PIK3CG: variants seen among roughly 807,000 people sequenced by gnomAD.
The protein encoded by PIK3CG is phosphatidylinositol 4,5-bisphosphate 3-kinase catalytic subunit gamma isoform.
Under a neutral mutation model 102.3 loss-of-function variants are expected in PIK3CG, and 55 were observed. The observed-to-expected ratio is 0.54, with a 90% CI of 0.43 to 0.67. The LOEUF is 0.67. Among genes scored for constraint, PIK3CG ranks in the 30% least tolerant of loss-of-function variants. The pLI is 0.00. For synonymous variants in PIK3CG, 552 were observed against 540.0 expected (o/e 1.02, Z -0.31); for missense variants, 1,258 against 1,391.8 (o/e 0.90, Z 1.53).
Position 106,868,394 on chromosome 7 carries a change from A to ATGAG in PIK3CG, c.835_838dup (p.Tyr280Ter). On this transcript the variant is annotated frameshift_variant, in exon 2 of 11. Coordinates refer to ENST00000496166, the MANE Select transcript of PIK3CG (RefSeq NM_001282426.2). LOFTEE classifies it high-confidence loss of function. The surrounding 1 kb of genome is among the most constrained non-coding windows in gnomAD (Gnocchi z 6.2). ...TTTGTGCTGCGCGTCTGTGGCCGGG[A>ATGAG]TGAGTACCTGGTGGGCGAAACGCCC... 6.2e-7 allele frequency: 1 copy of ATGAG among 1,614,190 alleles called. No individual in the cohort carries two copies.
Position 106,883,543 on chromosome 7 carries a change from G to A in PIK3CG, c.2760+380G>A, listed in dbSNP as rs1791003467. 6.6e-6 allele frequency among the ~76,000 whole-genome samples: 1 copy of A among 152,188 alleles called. No individual in the cohort carries two copies. Among genetic ancestry groups the A allele is most frequent in the Non-Finnish European group, 1.5e-5 (1 of 68,030 alleles). ...TGGGAAATACAACATACACAACAAA[G>A]TAATTTATAATTTACTGCTGAACTC... On this transcript the variant is annotated intron_variant, in intron 8 of 10. Transcript: ENST00000496166. The surrounding 1 kb of genome is among the most constrained non-coding windows in gnomAD (Gnocchi z 5.8).
chr7:106,865,641 G>A (rs1790254692), intron 1 of PIK3CG: 1 of 152,174 alleles, frequency 6.6e-6, no homozygotes, highest in Admixed American at 6.5e-5. Context: ...TTTTGTTTTG[G>A]GAGGAAAAGG....
At chr7:106,887,504 T>G (rs1411581983) in intron 10 of PIK3CG, among the ~76,000 whole-genome samples, 1 of 152,200 alleles carries the variant, frequency 6.6e-6, no homozygotes, top group African/African-American at 2.4e-5. Flanking sequence ...CTGTCTGTTC[T>G]TGTTTGTTCT....
Position 106,892,672 on chromosome 7 carries a change from A to T in PIK3CG, c.3030+6380A>T, listed in dbSNP as rs2116585181. On this transcript the variant is annotated intron_variant, in intron 10 of 10. Coordinates refer to ENST00000496166, the MANE Select transcript of PIK3CG (RefSeq NM_001282426.2). The surrounding 1 kb of genome is among the most constrained non-coding windows in gnomAD (Gnocchi z 5.2). ...AACATGGCAAGAAAGCTACTTACAC[A>T]ACTTTGTGCCAAGAAATACCTTGTG... is the stretch of plus-strand genomic sequence containing the variant. 6.6e-6 allele frequency among the ~76,000 whole-genome samples: 1 copy of T among 152,332 alleles called. No individual in the cohort carries two copies. Among genetic ancestry groups the T allele is most frequent in the African/African-American group, 2.4e-5 (1 of 41,588 alleles).
At position 106,868,473 on chromosome 7, in the gene PIK3CG, C is replaced by A. The variant is rs781471062; in HGVS notation, c.912C>A (p.His304Gln). Residue 304 changes from histidine (H) to glutamine (Q), a missense_variant, in exon 2 of 11, where the codon CAC (histidine) becomes CAA (glutamine). Around this residue, in one of 2 missense-constraint regions of PIK3CG, gnomAD observed 832 missense variants for 787.5 expected, o/e 1.06. Coordinates refer to ENST00000496166, the MANE Select transcript of PIK3CG (RefSeq NM_001282426.2). The surrounding 1 kb of genome is among the most constrained non-coding windows in gnomAD (Gnocchi z 6.2). Reference sequence around the variant, plus strand: ...GCCTCAAGAACGGAGAAGAGATTCACGTGGTACTGGACACGCCTCCAGACC... The same window carrying A: ...GCCTCAAGAACGGAGAAGAGATTCAAGTGGTACTGGACACGCCTCCAGACC... ...RHCLKNGEEI[H>Q]VVLDTPPDPA... 6.2e-7 allele frequency: 1 copy of A among 1,614,190 alleles called. No homozygotes were observed. Among genetic ancestry groups the A allele is most frequent in the Middle Eastern group, 1.6e-4 (1 of 6,062 alleles).
chr7:106,875,519 GT>G (rs1193476855), intron 5 of PIK3CG, among the ~76,000 whole-genome samples: 1 of 152,070 alleles, frequency 6.6e-6, no homozygotes, highest in Non-Finnish European at 1.5e-5. Context: ...CCCATTCTCT[GT>G]GATAATGCAA....
chr7:106,879,706 A>G lies in PIK3CG; in HGVS notation c.2538+41A>G, dbSNP rs749905773. 2.7e-5 allele frequency: 39 copies of G among 1,470,604 alleles called. No homozygotes were observed. Among genetic ancestry groups the G allele is most frequent in the South Asian group, 4.6e-5 (4 of 87,056 alleles). 91.1% of individuals were successfully genotyped at this position (1,470,604 alleles called of 1,614,324 possible). On this transcript the variant is annotated intron_variant, in intron 6 of 10. Transcript: ENST00000496166. This position sits in a 1 kb window ranked among gnomAD's most constrained non-coding sequence, Gnocchi z 4.9. The stretch of plus-strand genomic sequence containing the variant: ...GATTGTTTTCAATTATCTGAAAACA[A>G]TTCTATATTACATCAAAAACATGCT...
At chr7:106,871,924 A>G (rs559633433) in intron 2 of PIK3CG, among the ~76,000 whole-genome samples, 1 of 152,310 alleles carries the variant, frequency 6.6e-6, no homozygotes, top group South Asian at 2.1e-4. Flanking sequence ...TTTGGACAGA[A>G]AGCTCTGTAC....
Position 106,867,606 on chromosome 7 carries a change from C to A in PIK3CG, c.45C>A (p.Asp15Glu), listed in dbSNP as rs2116416880. ...AACAGCCCGTGGTGCTGAGAGAGGA[C>A]AACTGCCGAAGGCGCCGGAGGATGA... ...NYKQPVVLRE[D>E]NCRRRRRMKP... The change falls in exon 2 of 11, where the codon GAC (aspartate) becomes GAA (glutamate). Residue 15 changes from aspartate to glutamate, a missense_variant. Physicochemically the swap from Asp to Glu is conservative, Grantham distance 45 (BLOSUM62 2). Around this residue, in one of 2 missense-constraint regions of PIK3CG, gnomAD observed 832 missense variants for 787.5 expected, o/e 1.06. Transcript: ENST00000496166. This position sits in a 1 kb window ranked among gnomAD's most constrained non-coding sequence, Gnocchi z 5.1. 1.2e-6 allele frequency: 2 copies of A among 1,606,976 alleles called. No individual in the cohort carries two copies. The highest frequency in any genetic ancestry group is 1.7e-6 in the Non-Finnish European group (2 of 1,176,954).
rs1217443796 is a variant in PIK3CG at position 106,905,373 on chromosome 7, A to G, written c.3295A>G (p.Lys1099Glu). Reference sequence around the variant, plus strand: ...TGTTCTTGGCATCAAACAAGGAGAGAAACATTCAGCCTAATACTTTAGGCT... The same window carrying G: ...TGTTCTTGGCATCAAACAAGGAGAGGAACATTCAGCCTAATACTTTAGGCT... ...HLVLGIKQGE[K>E]HSA is the part of the protein sequence containing the mutation. Residue 1099 changes from lysine (K) to glutamate (E), a missense_variant, in exon 11 of 11, where the codon AAA (lysine) becomes GAA (glutamate). By Grantham distance (56) the Lys-to-Glu change is moderately conservative (BLOSUM62 1). This residue lies in a region of PIK3CG where 426 missense variants were observed against 604.2 expected (regional missense o/e 0.71). Transcript: ENST00000496166. The surrounding 1 kb of genome is among the most constrained non-coding windows in gnomAD (Gnocchi z 5.6). The G allele has an allele frequency of 2.5e-6, 4 of 1,613,804 alleles. No homozygotes were observed. The South Asian group carries it at 3.3e-5, about 13-fold the overall frequency.
chr7:106,884,369 G>A lies in PIK3CG; in HGVS notation c.2872+103G>A. The A allele has an allele frequency of 1.4e-6, 1 of 738,418 alleles. No individual in the cohort carries two copies. Among genetic ancestry groups the A allele is most frequent in the Non-Finnish European group, 2.3e-6 (1 of 440,552 alleles). The allele number at this position is 738,418 out of a possible 1,614,324, so 45.7% of individuals were successfully genotyped here. A position where few individuals can be genotyped will look rare whatever the true frequency, so the allele number is the denominator to read the frequency against. On this transcript the variant is annotated intron_variant, in intron 9 of 10. Coordinates refer to ENST00000496166, the MANE Select transcript of PIK3CG (RefSeq NM_001282426.2). The surrounding 1 kb of genome is among the most constrained non-coding windows in gnomAD (Gnocchi z 4.2). ...TTAACTGTAAGTGTTCAGTTCAGTG[G>A]CATTACATATGTTCACCTTGTTGTA...
Position 106,880,571 on chromosome 7 carries a change from T to G in PIK3CG, c.2538+906T>G, listed in dbSNP as rs1406838483. Among the ~76,000 whole-genome samples, 2 of 152,238 alleles carry G rather than the reference T, an allele frequency of 1.3e-5. No individual in the cohort carries two copies. The highest frequency in any genetic ancestry group is 2.9e-5 in the Non-Finnish European group (2 of 68,040). ...AAATTTCAAATAAATCTGTAGAATATTTTGAATTGTTTGAAGATGGACACT... is the reference window on the plus strand; with the variant it reads ...AAATTTCAAATAAATCTGTAGAATAGTTTGAATTGTTTGAAGATGGACACT... On this transcript the variant is annotated intron_variant, in intron 6 of 10. Coordinates refer to ENST00000496166, the MANE Select transcript of PIK3CG (RefSeq NM_001282426.2). The surrounding 1 kb of genome is among the most constrained non-coding windows in gnomAD (Gnocchi z 4.2).
intron 10 of PIK3CG, 110 bp downstream of exon 10, chr7:106,886,402 C>T (rs41276178): frequency 4.9e-6 from 5 of 1,016,868 alleles, no homozygotes; most frequent in Non-Finnish European, 7.2e-6. Context: ...CCAGCCTCTA[C>T]CCCTACCCTC....
rs1047334888 is a variant in PIK3CG, at chr7:106,865,291, C to T, written c.-148C>T. 1 of 152,198 alleles carries T rather than the reference C, an allele frequency of 6.6e-6. No homozygotes were observed. The highest frequency in any genetic ancestry group is 1.5e-5 in the Non-Finnish European group (1 of 68,042). The allele number at this position is 152,198 out of a possible 1,614,324, so 9.4% of individuals were successfully genotyped here. A position where few individuals can be genotyped will look rare whatever the true frequency, so the allele number is the denominator to read the frequency against. On this transcript the variant is annotated 5_prime_UTR_variant, in exon 1 of 11. Transcript: ENST00000496166. ...TTCCTTCCTGGTAACTGCAACACTT[C>T]CTCTGCATCTGGATATGAAGGGAGC...
rs142858577 is a variant in PIK3CG, at chr7:106,894,319, T to C, written c.3030+8027T>C. On this transcript the variant is annotated intron_variant, in intron 10 of 10. Coordinates refer to ENST00000496166, the MANE Select transcript of PIK3CG (RefSeq NM_001282426.2). This position sits in a 1 kb window ranked among gnomAD's most constrained non-coding sequence, Gnocchi z 4.4. ...AGAATATTGACTAAAGTAGAATAGC[T>C]TATTGTAGCATTTAGGTTTCTAATG... 7.4e-4 allele frequency among the ~76,000 whole-genome samples: 112 copies of C among 152,278 alleles called. No homozygotes were observed. The highest frequency in any genetic ancestry group is 2.6e-3 in the African/African-American group (108 of 41,570).
At chr7:106,885,603 G>A (rs181123450) in intron 9 of PIK3CG, among the ~76,000 whole-genome samples, 1 of 151,680 alleles carries the variant, frequency 6.6e-6, no homozygotes, top group Admixed American at 6.5e-5. Context: ...TTATTGTGGT[G>A]GTGATAGTAG....
At position 106,869,034 on chromosome 7, in the gene PIK3CG, A is replaced by G. The variant is rs773250867; in HGVS notation, c.1473A>G (p.Gly491=). The change falls in exon 2 of 11, where the codon GGA becomes GGG. Residue 491 remains glycine, a synonymous_variant. Transcript: ENST00000496166. The surrounding 1 kb of genome is among the most constrained non-coding windows in gnomAD (Gnocchi z 5.3). ...ACATGTGGCAGATATCTGGGAAGGG[A>G]GAAGACCAAGGAAGCTTCAATGCTG... The part of the protein sequence containing the change: ...VLHMWQISGK[G]EDQGSFNADK... 5 of 1,614,054 alleles carry G rather than the reference A, an allele frequency of 3.1e-6. No homozygotes were observed. The African/African-American group carries it at 6.7e-5, about 22-fold the overall frequency.
chr7:106,867,489 C>T lies in PIK3CG; in HGVS notation c.-12-61C>T. 2 of 1,450,284 alleles carry T rather than the reference C, an allele frequency of 1.4e-6. No individual in the cohort carries two copies. Among genetic ancestry groups the T allele is most frequent in the African/African-American group, 1.4e-5 (1 of 70,442 alleles). The allele number at this position is 1,450,284 out of a possible 1,614,324, so 89.8% of individuals were successfully genotyped here. ...TATACCTCCTCTTCCCTCATCTCAC[C>T]AGAAAATATAAGGGGAAAGTGCCTT... On this transcript the variant is annotated intron_variant, in intron 1 of 10. Coordinates refer to ENST00000496166, the MANE Select transcript of PIK3CG (RefSeq NM_001282426.2). The surrounding 1 kb of genome is among the most constrained non-coding windows in gnomAD (Gnocchi z 5.1).
rs2116520161 is a variant in PIK3CG at position 106,879,401 on chromosome 7, C to T, written c.2392-118C>T. The T allele has an allele frequency of 4.7e-6, 4 of 851,474 alleles. No homozygotes were observed. Among genetic ancestry groups the T allele is most frequent in the South Asian group, 1.5e-5 (1 of 67,790 alleles). The allele number at this position is 851,474 out of a possible 1,614,324, so 52.7% of individuals were successfully genotyped here. A position where few individuals can be genotyped will look rare whatever the true frequency, so the allele number is the denominator to read the frequency against. On this transcript the variant is annotated intron_variant, in intron 5 of 10. Transcript: ENST00000496166. This position sits in a 1 kb window ranked among gnomAD's most constrained non-coding sequence, Gnocchi z 4.9. The stretch of plus-strand genomic sequence containing the variant: ...TTTTACCCAAATATTGAAAATCATT[C>T]TCCAACTAGGACTTTGTCCTTGTTG...
Sources: allele counts gnomAD v4.1 joint callset (sites outside exome capture counted in the v4.1 genomes callset), GRCh38; gene constraint gnomAD v4.1.1; regional missense constraint gnomAD v4.1.1; non-coding constraint Gnocchi (gnomAD v3.1); transcripts MANE v1.5; gene names NCBI Gene and HGNC (gene_info 2026-07-23, HGNC 2026-07-21).